Variants in RCOR1 observed in about 807,000 individuals in gnomAD.
RCOR1 encodes the protein REST corepressor 1.
Under a neutral mutation model 64.0 loss-of-function variants are expected in RCOR1, and 12 were observed. That is an observed-to-expected ratio of 0.19 (90% CI 0.12 to 0.30). The LOEUF (loss-of-function observed/expected upper bound fraction) is 0.30, where lower values mean the gene tolerates loss of function less well. Ranked by LOEUF, RCOR1 falls within the 10% of genes least tolerant of loss-of-function variation. The probability of loss-of-function intolerance (pLI) is 1.00; values close to 1 mark genes in which losing one functional copy is unlikely to be tolerated. For missense variants in RCOR1, 502 were observed against 621.2 expected (o/e 0.81, Z 2.04); for synonymous variants, 279 against 227.2 (o/e 1.23, Z -2.05).
At position 102,730,319 on chromosome 14, in the gene RCOR1, T is replaced by C. The variant is rs1331504554; in HGVS notation, c.*3813T>C. 1.1e-5 allele frequency: 3 copies of C among 271,984 alleles called. No individual in the cohort carries two copies. Among genetic ancestry groups the C allele is most frequent in the East Asian group, 6.2e-5 (1 of 16,038 alleles). 16.8% of individuals were successfully genotyped at this position (271,984 alleles called of 1,614,324 possible). A position where few individuals can be genotyped will look rare whatever the true frequency, so the allele number is the denominator to read the frequency against. On this transcript the variant is annotated 3_prime_UTR_variant, in exon 12 of 12. Transcript: ENST00000262241. Reference sequence around the variant, plus strand: ...AGTGATGAAATCCACGTTGGAATTTTAAAGAAAATATGTTGTAATAATGCT... The same window carrying C: ...AGTGATGAAATCCACGTTGGAATTTCAAAGAAAATATGTTGTAATAATGCT...
intron 2 of RCOR1, among the ~76,000 whole-genome samples, chr14:102,594,375 G>T (rs535578069): frequency 6.6e-6 from 1 of 152,074 alleles, no homozygotes; most frequent in Non-Finnish European, 1.5e-5. Flanking sequence ...ACGCATACAT[G>T]TTTTTTCCTT....
chr14:102,696,722 A>G (rs1895657352), intron 3 of RCOR1, among the ~76,000 whole-genome samples: 1 of 150,510 alleles, frequency 6.6e-6, no homozygotes, highest in Non-Finnish European at 1.5e-5. Context: ...CTTTAAGAGC[A>G]GTTTTTTGTA....
chr14:102,636,794 A>AC (rs1244946053), intron 2 of RCOR1, among the ~76,000 whole-genome samples: 1 of 150,016 alleles, frequency 6.7e-6, no homozygotes, highest in Non-Finnish European at 1.5e-5. Flanking sequence ...ACATGGTGAA[A>AC]CCCCCGTCTC....
chr14:102,632,650 TTTCC>T (rs1894141710), intron 2 of RCOR1, among the ~76,000 whole-genome samples: 1 of 65,298 alleles, frequency 1.5e-5, no homozygotes, highest in African/African-American at 4.6e-5. Flanking sequence ...TTTCCTTTCC[TTTCC>T]TTTCCTTTCC....
intron 2 of RCOR1, among the ~76,000 whole-genome samples, chr14:102,600,522 C>T (rs961184115): frequency 6.6e-6 from 1 of 152,004 alleles, no homozygotes; most frequent in African/African-American, 2.4e-5. Context: ...CTGCCTCAGC[C>T]TCCCGAGTAG....
chr14:102,676,919 T>A lies in RCOR1; in HGVS notation c.362-4976T>A, dbSNP rs376596002. 1.3e-4 allele frequency among the ~76,000 whole-genome samples: 8 copies of A among 61,590 alleles called. No individual in the cohort carries two copies. The East Asian group carries it at 2.5e-3, about 19-fold the overall frequency. 40.4% of individuals were successfully genotyped at this position (61,590 alleles called of 152,430 possible). ...CGGGCGGGGGGCTGACCCCCCCACC[T>A]CCCTCCCGGACGGGGCGGCTGGCCG... On this transcript the variant is annotated intron_variant, in intron 2 of 11. Transcript: ENST00000262241.
chr14:102,720,019 G>A (rs564410147), intron 8 of RCOR1, among the ~76,000 whole-genome samples: 1 of 152,306 alleles, frequency 6.6e-6, no homozygotes, highest in East Asian at 1.9e-4. Flanking sequence ...TAGCATGGCA[G>A]CCAGCAGCCC....
chr14:102,615,986 C>T (rs1419164718), intron 2 of RCOR1, among the ~76,000 whole-genome samples: 1 of 152,134 alleles, frequency 6.6e-6, no homozygotes, highest in Middle Eastern at 3.2e-3. Flanking sequence ...ACACTACCCG[C>T]TTAGAGATGG....
chr14:102,612,534 C>G (rs574872955), intron 2 of RCOR1, among the ~76,000 whole-genome samples: 2 of 152,010 alleles, frequency 1.3e-5, no homozygotes, highest in East Asian at 3.9e-4. Flanking sequence ...GGGGGTTTCC[C>G]CATGTTACCC....
intron 2 of RCOR1, chr14:102,659,159 T>G (rs1404485919): frequency 1.0e-6 from 1 of 985,138 alleles, no homozygotes; most frequent in Non-Finnish European, 1.2e-6. Flanking sequence ...TATTTGACTT[T>G]TTAAAAAGAA....
chr14:102,653,998 T>TCTTTCTTTCTTTGTTTCTTTC (rs1595214214), intron 2 of RCOR1, among the ~76,000 whole-genome samples: 1 of 126,598 alleles, frequency 7.9e-6, no homozygotes, highest in African/African-American at 3.3e-5. Context: ...TTTTTTTTTT[T>TCTTTCTTTCTTTGTTTCTTTC]TTTTTGAGAC....
chr14:102,629,004 C>A (rs1894042924), intron 2 of RCOR1, among the ~76,000 whole-genome samples: 1 of 152,082 alleles, frequency 6.6e-6, no homozygotes, highest in African/African-American at 2.4e-5. Flanking sequence ...GATCCTCCCA[C>A]CTCAGCCCCT....
chr14:102,685,549 C>A (rs1041607404), intron 3 of RCOR1, among the ~76,000 whole-genome samples: 2 of 150,402 alleles, frequency 1.3e-5, no homozygotes, highest in African/African-American at 4.9e-5. Context: ...GTTGTGCGAT[C>A]TTGGCTCACT....
chr14:102,610,467 A>G (rs1893606394), intron 2 of RCOR1, among the ~76,000 whole-genome samples: 1 of 152,152 alleles, frequency 6.6e-6, no homozygotes, highest in African/African-American at 2.4e-5. Context: ...GACAGCTCAG[A>G]ATAGAGTATT....
chr14:102,722,491 T>G, intron 11 of RCOR1, 75 bp downstream of exon 11: 1 of 1,233,550 alleles, frequency 8.1e-7, no homozygotes, highest in Non-Finnish European at 1.2e-6. Flanking sequence ...GTGATGAATT[T>G]TTTCAGCTAT....
intron 2 of RCOR1, among the ~76,000 whole-genome samples, chr14:102,630,300 C>T (rs922998118): frequency 1.7e-4 from 26 of 152,184 alleles, no homozygotes; most frequent in African/African-American, 2.2e-4. Context: ...CTTCACCTTC[C>T]GCCATGTGTG....
intron 2 of RCOR1, among the ~76,000 whole-genome samples, chr14:102,605,715 T>C (rs910682217): frequency 6.6e-6 from 1 of 152,212 alleles, no homozygotes. Context: ...TTCCTACTTA[T>C]AAAAATTATC....
chr14:102,655,150 T>A, intron 2 of RCOR1: 2 of 414,552 alleles, frequency 4.8e-6, no homozygotes, highest in Non-Finnish European at 6.4e-6. Flanking sequence ...TAAATTTTGT[T>A]GAATATTTGG....
intron 2 of RCOR1, among the ~76,000 whole-genome samples, chr14:102,596,844 C>T (rs1319163401): frequency 2.7e-5 from 4 of 146,428 alleles, no homozygotes; most frequent in South Asian, 2.1e-4. Context: ...GGATTACAGG[C>T]GTGAACCACT....
Sources: gnomAD v4.1 joint callset for allele counts (sites outside exome capture counted in the v4.1 genomes callset) on GRCh38, gnomAD v4.1.1 for gene constraint, MANE v1.5 for transcripts, NCBI Gene and HGNC (gene_info 2026-07-23, HGNC 2026-07-21) for gene names.